RABGAP1L: variants seen among roughly 807,000 people sequenced by gnomAD.
RABGAP1L encodes RAB GTPase activating protein 1 like, also known as rab GTPase-activating protein 1-like.
In RABGAP1L, 63 loss-of-function variants were observed where a neutral mutation model predicts 137.7. The observed-to-expected ratio is 0.46, with a 90% CI of 0.37 to 0.56. RABGAP1L has a LOEUF of 0.56. Ranked by LOEUF, RABGAP1L falls within the 20% of genes least tolerant of loss-of-function variation. RABGAP1L has a pLI of 0.00. For synonymous variants in RABGAP1L, 431 were observed against 433.7 expected, an observed-to-expected ratio of 0.99 and a Z score of 0.08; for missense variants, 1,095 against 1,244.0, an observed-to-expected ratio of 0.88 and a Z score of 1.80.
chr1:174,654,077 G>A (rs1378012717), intron 14 of RABGAP1L, among the ~76,000 whole-genome samples: 1 of 152,182 alleles, frequency 6.6e-6, no homozygotes, highest in Non-Finnish European at 1.5e-5. Flanking sequence ...GGAAAGTTAG[G>A]TGCAAATATT....
chr1:174,614,124 T>C (rs1208564219), intron 13 of RABGAP1L, among the ~76,000 whole-genome samples: 46 of 151,350 alleles, frequency 3.0e-4, no homozygotes, highest in Non-Finnish European at 4.6e-4. Context: ...TGATTTTGCT[T>C]GTTAGTTGAT....
chr1:174,706,334 A>G (rs1680043631), intron 17 of RABGAP1L, among the ~76,000 whole-genome samples: 1 of 152,178 alleles, frequency 6.6e-6, no homozygotes. Context: ...ATGGATAGCA[A>G]TGGGATTTGA....
At chr1:174,494,322 T>G (rs892822711) in intron 13 of RABGAP1L, among the ~76,000 whole-genome samples, 3 of 152,216 alleles carry the variant, frequency 2.0e-5, no homozygotes, top group Admixed American at 6.5e-5. Flanking sequence ...TTGTTCTGTT[T>G]TGCTGCTATT....
rs75370052 is a variant in RABGAP1L at position 174,879,100 on chromosome 1, G to GTT, written c.2340+67157_2340+67158dup. On this transcript the variant is annotated intron_variant, in intron 19 of 25. Coordinates refer to ENST00000681986, the MANE Select transcript of RABGAP1L (RefSeq NM_001366446.1). ...CAGGCACCTGCCAACACGCCTGGCT[G>GTT]TTTTTTTTTTTTTTTTTTAAGATGG... Among the ~76,000 whole-genome samples, 98 of 116,364 alleles carry GTT rather than the reference G, an allele frequency of 8.4e-4. No homozygotes were observed. In the Middle Eastern group the frequency reaches 0.013, roughly 15 times the overall value. The allele number at this position is 116,364 out of a possible 152,430, so 76.3% of individuals were successfully genotyped here. A position where few individuals can be genotyped will look rare whatever the true frequency, so the allele number is the denominator to read the frequency against.
At position 174,933,375 on chromosome 1, in the gene RABGAP1L, C is replaced by T. The variant is rs768116886; in HGVS notation, c.2341-24082C>T. ...ACATTCTGCTTGGGCTCCAACACAT[C>T]TGTGTCAGGCTGCCACTCTTCATAA... On this transcript the variant is annotated intron_variant, in intron 19 of 25. Transcript: ENST00000681986. Among the ~76,000 whole-genome samples the T allele has an allele frequency of 2.0e-5, 3 of 152,120 alleles. 1 individual carries two copies. The highest frequency in any genetic ancestry group is 6.6e-5 in the Admixed American group (1 of 15,262).
chr1:174,349,902 T>TG (rs1682934112), intron 11 of RABGAP1L, among the ~76,000 whole-genome samples: 1 of 89,498 alleles, frequency 1.1e-5, no homozygotes, highest in Non-Finnish European at 2.3e-5. Context: ...GCTGGCCAGG[T>TG]GGGGGGCTGA....
intron 11 of RABGAP1L, among the ~76,000 whole-genome samples, chr1:174,351,780 T>C (rs1315258099): frequency 1.6e-5 from 2 of 125,446 alleles, no homozygotes; most frequent in Non-Finnish European, 3.1e-5. Context: ...TGGGAAGTTC[T>C]CTGTGTGTTT....
At chr1:174,939,376 C>A (rs895835930) in intron 19 of RABGAP1L, among the ~76,000 whole-genome samples, 1 of 151,832 alleles carries the variant, frequency 6.6e-6, no homozygotes, top group Non-Finnish European at 1.5e-5. Flanking sequence ...GCCAACATGG[C>A]GAAACCCCGT....
chr1:174,564,887 AGCTG>A (rs1667466378), intron 13 of RABGAP1L, among the ~76,000 whole-genome samples: 1 of 152,198 alleles, frequency 6.6e-6, no homozygotes, highest in African/African-American at 2.4e-5. Context: ...ACCAAGGATT[AGCTG>A]TCTTCTAGTT....
At chr1:174,833,199 G>A (rs1227905644) in intron 19 of RABGAP1L, among the ~76,000 whole-genome samples, 2 of 151,446 alleles carry the variant, frequency 1.3e-5, no homozygotes, top group Non-Finnish European at 2.9e-5. Flanking sequence ...GTCGCATAAT[G>A]TATTTATTTT....
intron 19 of RABGAP1L, among the ~76,000 whole-genome samples, chr1:174,913,322 T>C (rs1194766450): frequency 5.9e-5 from 9 of 152,168 alleles, no homozygotes; most frequent in Non-Finnish European, 1.3e-4. Flanking sequence ...AATATAACTA[T>C]ACAGATTTTG....
intron 13 of RABGAP1L, among the ~76,000 whole-genome samples, chr1:174,631,791 G>T (rs557815547): frequency 0.021 from 3,128 of 150,364 alleles, 45 homozygotes; most frequent in Middle Eastern, 0.08. Flanking sequence ...GTATGTCTCT[G>T]CACGTGAGAT....
intron 11 of RABGAP1L, among the ~76,000 whole-genome samples, chr1:174,345,038 A>G (rs531996039): frequency 6.6e-6 from 1 of 152,320 alleles, no homozygotes; most frequent in South Asian, 2.1e-4. Context: ...TTTATTGAAG[A>G]GACTGTCCTT....
At chr1:174,882,815 A>T (rs1199779426) in intron 19 of RABGAP1L, among the ~76,000 whole-genome samples, 1 of 152,260 alleles carries the variant, frequency 6.6e-6, no homozygotes, top group African/African-American at 2.4e-5. Flanking sequence ...AGTCACTACT[A>T]GCAGAACATA....
At chr1:174,445,154 A>T (rs1159671900) in intron 13 of RABGAP1L, among the ~76,000 whole-genome samples, 1 of 152,038 alleles carries the variant, frequency 6.6e-6, no homozygotes, top group Non-Finnish European at 1.5e-5. Flanking sequence ...TTTTTATCTT[A>T]ATTTTCCTGG....
intron 13 of RABGAP1L, among the ~76,000 whole-genome samples, chr1:174,416,135 T>C (rs903806605): frequency 6.6e-6 from 1 of 150,574 alleles, no homozygotes; most frequent in Non-Finnish European, 1.5e-5. Context: ...CCATATCCCA[T>C]TTGGACAAAA....
chr1:174,595,711 T>G (rs1199519200), intron 13 of RABGAP1L, among the ~76,000 whole-genome samples: 2 of 122,876 alleles, frequency 1.6e-5, no homozygotes, highest in African/African-American at 3.5e-5. Flanking sequence ...AGTCTGCCCG[T>G]TCTCAGATCT....
At chr1:174,877,250 T>C in intron 19 of RABGAP1L, 1 of 608,158 alleles carries the variant, frequency 1.6e-6, no homozygotes, top group Non-Finnish European at 2.8e-6. Context: ...GTTTATAGTG[T>C]ATACTTCCTG....
intron 5 of RABGAP1L, among the ~76,000 whole-genome samples, chr1:174,250,054 T>C (rs750157909): frequency 6.6e-6 from 1 of 152,204 alleles, no homozygotes; most frequent in Non-Finnish European, 1.5e-5. Flanking sequence ...TTGAACTTTA[T>C]CTGTATATAT....
Sources: allele counts gnomAD v4.1 joint callset (sites outside exome capture counted in the v4.1 genomes callset), GRCh38; gene constraint gnomAD v4.1.1; transcripts MANE v1.5; gene names NCBI Gene and HGNC (gene_info 2026-07-23, HGNC 2026-07-21).